SLC8A1: variants seen among roughly 807,000 people sequenced by gnomAD.
The protein encoded by SLC8A1 is sodium/calcium exchanger 1.
A neutral mutation model predicts 68.3 loss-of-function variants in SLC8A1; 18 were observed. The observed-to-expected ratio is 0.26, with a 90% CI of 0.18 to 0.39. The LOEUF (loss-of-function observed/expected upper bound fraction) is 0.39, where lower values mean the gene tolerates loss of function less well. SLC8A1 is among the 10% of genes least tolerant of loss of function. SLC8A1 has a pLI of 1.00. For synonymous variants in SLC8A1, 475 were observed against 415.5 expected, an observed-to-expected ratio of 1.14 and a Z score of -1.74; for missense variants, 985 against 1,156.7, an observed-to-expected ratio of 0.85 and a Z score of 2.15.
chr2:40,213,798 T>G (rs2057012348), intron 2 of SLC8A1, among the ~76,000 whole-genome samples: 2 of 152,246 alleles, frequency 1.3e-5, no homozygotes, highest in African/African-American at 4.8e-5. Flanking sequence ...AAGCCTTTCT[T>G]CTGGCAGAAG....
intron 2 of SLC8A1, among the ~76,000 whole-genome samples, chr2:40,332,622 C>T (rs765246151): frequency 1.1e-4 from 16 of 152,204 alleles, no homozygotes; most frequent in Admixed American, 3.3e-4. Flanking sequence ...TACCAAGCTG[C>T]AGAAAATAAA....
At chr2:40,401,645 G>GA (rs68092033) in intron 2 of SLC8A1, among the ~76,000 whole-genome samples, 30 of 143,320 alleles carry the variant, frequency 2.1e-4, no homozygotes, top group Admixed American at 9.1e-4. Flanking sequence ...CACATTAAGT[G>GA]AAAAAAAAAA....
At chr2:40,473,464 TTC>T (rs1704110768) in intron 1 of SLC8A1, among the ~76,000 whole-genome samples, 1 of 152,178 alleles carries the variant, frequency 6.6e-6, no homozygotes, top group Admixed American at 6.6e-5. Flanking sequence ...ACATAACAGT[TTC>T]TGACATACAT....
At chr2:40,435,887 T>C (rs1699304354) in intron 1 of SLC8A1, among the ~76,000 whole-genome samples, 1 of 151,992 alleles carries the variant, frequency 6.6e-6, no homozygotes, top group South Asian at 2.1e-4. Context: ...GCAATTCTTC[T>C]GCCTCAGCCT....
chr2:40,457,106 C>T (rs534937303), intron 1 of SLC8A1, among the ~76,000 whole-genome samples: 16 of 152,248 alleles, frequency 1.1e-4, no homozygotes, highest in South Asian at 6.2e-4. Context: ...AGTCATTTTA[C>T]GCAAATCCTG....
chr2:40,164,066 G>A (rs886438704), intron 5 of SLC8A1, among the ~76,000 whole-genome samples: 2 of 152,146 alleles, frequency 1.3e-5, no homozygotes, highest in Admixed American at 6.5e-5. Flanking sequence ...AGCAAGAGAG[G>A]GGATGCACAT....
chr2:40,189,429 T>C (rs1011135007), intron 2 of SLC8A1, among the ~76,000 whole-genome samples: 3 of 152,216 alleles, frequency 2.0e-5, no homozygotes, highest in Non-Finnish European at 4.4e-5. Flanking sequence ...CAAGTGATTC[T>C]CCTGCCTCAA....
chr2:40,271,310 T>C (rs755703752), intron 2 of SLC8A1, among the ~76,000 whole-genome samples: 1 of 152,048 alleles, frequency 6.6e-6, no homozygotes, highest in Non-Finnish European at 1.5e-5. Flanking sequence ...CCCCTTGCTG[T>C]TTCTCAAACT....
In SLC8A1 at chr2:40,396,493, T is replaced by C. The variant is rs73928977; in HGVS notation, c.1808+31980A>G. 3.3e-3 allele frequency among the ~76,000 whole-genome samples: 500 copies of C among 152,034 alleles called. 3 individuals are homozygous for C. Among genetic ancestry groups the C allele is most frequent in the African/African-American group, 0.011 (474 of 41,460 alleles). The stretch of plus-strand genomic sequence containing the variant: ...ATTTAAGATAATTAGAAGATGATGA[T>C]AGAAATTTGAAAGCAATGGATTACA... On this transcript the variant is annotated intron_variant, in intron 2 of 7. Coordinates refer to ENST00000406785, the Ensembl canonical transcript of SLC8A1.
Position 40,238,253 on chromosome 2 carries a change from T to C in SLC8A1, c.1809-60398A>G, listed in dbSNP as rs374218455. On this transcript the variant is annotated intron_variant, in intron 2 of 7. Transcript: ENST00000406785. The stretch of plus-strand genomic sequence containing the variant: ...CTCAGACTGCTGTGCTAGCAATCAG[T>C]GAGACTCCGTGGGCGTAGGACCCTC... 1.8e-3 allele frequency among the ~76,000 whole-genome samples: 273 copies of C among 152,254 alleles called. 2 individuals are homozygous for C. Among genetic ancestry groups the C allele is most frequent in the African/African-American group, 6.2e-3 (259 of 41,556 alleles).
At chr2:40,140,426 G>T (rs1377729626) in intron 6 of SLC8A1, among the ~76,000 whole-genome samples, 1 of 152,096 alleles carries the variant, frequency 6.6e-6, no homozygotes, top group Non-Finnish European at 1.5e-5. Context: ...CCAAACCCAT[G>T]CTGGGAACTC....
At chr2:40,117,311 G>A (rs1189616707) in intron 7 of SLC8A1, among the ~76,000 whole-genome samples, 2 of 149,110 alleles carry the variant, frequency 1.3e-5, no homozygotes, top group African/African-American at 2.5e-5. Context: ...TTGGGAGGCC[G>A]AGATGGGCGG....
chr2:40,375,832 G>A (rs1214279104), intron 2 of SLC8A1, among the ~76,000 whole-genome samples: 1 of 151,932 alleles, frequency 6.6e-6, no homozygotes, highest in East Asian at 1.9e-4. Context: ...GGGAAACCCT[G>A]CCTCTATAAA....
intron 2 of SLC8A1, among the ~76,000 whole-genome samples, chr2:40,209,421 T>G (rs429701): frequency 0.76 from 115,890 of 151,940 alleles, 44,735 homozygotes; most frequent in Middle Eastern, 0.84. Context: ...AAGGTGAGAG[T>G]TAAGAGTAGA....
In SLC8A1 at chr2:40,124,902, G is replaced by A. The variant is rs114984979; in HGVS notation, c.2438-9273C>T. 2.8e-3 allele frequency among the ~76,000 whole-genome samples: 430 copies of A among 152,098 alleles called. 3 individuals carry two copies. The highest frequency in any genetic ancestry group is 9.9e-3 in the African/African-American group (409 of 41,486). On this transcript the variant is annotated intron_variant, in intron 7 of 7. Transcript: ENST00000406785. ...TACTATTAGTCCATAAAAAAGTATG[G>A]GTAAATATTTGCTATATATCTGTAT... is the stretch of plus-strand genomic sequence containing the variant.
chr2:40,204,392 C>T (rs1256033543), intron 2 of SLC8A1, among the ~76,000 whole-genome samples: 1 of 152,000 alleles, frequency 6.6e-6, no homozygotes, highest in Non-Finnish European at 1.5e-5. Context: ...GATTATGTTT[C>T]CACCCCAGTT....
At chr2:40,190,967 C>A (rs942475139) in intron 2 of SLC8A1, among the ~76,000 whole-genome samples, 16 of 150,378 alleles carry the variant, frequency 1.1e-4, no homozygotes, top group Admixed American at 6.8e-5. Flanking sequence ...CTTAGAAAAT[C>A]TATTTGCACT....
intron 1 of SLC8A1, among the ~76,000 whole-genome samples, chr2:40,473,603 T>C (rs2149904902): frequency 6.6e-6 from 1 of 152,352 alleles, no homozygotes; most frequent in African/African-American, 2.4e-5. Context: ...CCCATAAATA[T>C]TTGTTGAACA....
intron 2 of SLC8A1, among the ~76,000 whole-genome samples, chr2:40,375,346 T>C (rs1318267800): frequency 6.6e-6 from 1 of 152,118 alleles, no homozygotes; most frequent in African/African-American, 2.4e-5. Context: ...TGGTTTATTT[T>C]CCAATCCAAT....
Sources: allele counts gnomAD v4.1 joint callset (sites outside exome capture counted in the v4.1 genomes callset), GRCh38; gene constraint gnomAD v4.1.1; transcripts MANE v1.5; gene names NCBI Gene and HGNC (gene_info 2026-07-23, HGNC 2026-07-21).